The following CARNMT1 variants were observed in gnomAD, a reference collection of about 807,000 sequenced individuals.
CARNMT1 encodes the protein carnosine N-methyltransferase 1, also known as protein-L-histidine N-pros-methyltransferase CARNMT1.
In CARNMT1, 28 loss-of-function variants were observed where a neutral mutation model predicts 49.6. That is an observed-to-expected ratio of 0.56 (90% CI 0.42 to 0.77). The LOEUF (loss-of-function observed/expected upper bound fraction) is 0.77. Ranked by LOEUF, CARNMT1 falls within the 30% of genes least tolerant of loss-of-function variation. The pLI is 0.00. For synonymous variants in CARNMT1, 178 were observed against 175.0 expected (o/e 1.02, Z -0.13); for missense variants, 421 against 512.6 (o/e 0.82, Z 1.73).
intron 3 of CARNMT1, among the ~76,000 whole-genome samples, chr9:75,002,444 T>C (rs1025612731): frequency 2.0e-5 from 3 of 152,198 alleles, no homozygotes; most frequent in Non-Finnish European, 4.4e-5. Flanking sequence ...ATGTGGCTAC[T>C]GAACACTTAA....
intron 1 of CARNMT1, among the ~76,000 whole-genome samples, chr9:75,022,213 CTTTTTTTTTT>C (rs35783706): frequency 1.4e-4 from 11 of 77,008 alleles, no homozygotes; most frequent in South Asian, 1.0e-3. Context: ...AGAAGGAATA[CTTTTTTTTTT>C]TTTTTTTTTT....
chr9:75,007,595 G>A (rs1407627649), intron 3 of CARNMT1, among the ~76,000 whole-genome samples: 1 of 151,876 alleles, frequency 6.6e-6, no homozygotes, highest in Non-Finnish European at 1.5e-5. Context: ...CAGGTGTGGT[G>A]TTGGGCGCCT....
At chr9:74,994,095 A>G (rs1833116212) in intron 6 of CARNMT1, among the ~76,000 whole-genome samples, 1 of 152,132 alleles carries the variant, frequency 6.6e-6, no homozygotes, top group Non-Finnish European at 1.5e-5. Context: ...ATAAGAAGAG[A>G]CACACCAAAG....
At chr9:75,023,135 C>CAAAAAAA (rs1028060302) in intron 1 of CARNMT1, among the ~76,000 whole-genome samples, 2 of 65,402 alleles carry the variant, frequency 3.1e-5, no homozygotes, top group Non-Finnish European at 6.2e-5. Context: ...GAGCAAGACT[C>CAAAAAAA]AAAAAAAAAA....
Position 75,028,199 on chromosome 9 carries a change from G to A in CARNMT1, c.43C>T (p.Pro15Ser). The change falls in exon 1 of 8, where the codon CCC (proline) becomes TCC (serine). Residue 15 changes from proline to serine, a missense_variant. By Grantham distance (74) the Pro-to-Ser change is moderately conservative (BLOSUM62 -1). Transcript: ENST00000376834. ...CCGCCTCCTCCCCCGCAGCCCTCGG[G>A]CAGCCGGGAGGTGGGCGGCGGAGGG... The part of the protein sequence containing the change: ...RRPPPPTSRL[P>S]EGCGGGGGGS... 1 of 1,484,576 alleles carries A rather than the reference G, an allele frequency of 6.7e-7. No individual in the cohort carries two copies. The allele number at this position is 1,484,576 out of a possible 1,614,324, so 92.0% of individuals were successfully genotyped here. A position where few individuals can be genotyped will look rare whatever the true frequency, so the allele number is the denominator to read the frequency against.
At chr9:74,984,845 T>C in intron 7 of CARNMT1, 62 bp downstream of exon 7, 1 of 1,051,192 alleles carries the variant, frequency 9.5e-7, no homozygotes, top group Admixed American at 1.7e-5. Context: ...AGCCATGATA[T>C]CAACACTTCT....
chr9:75,004,457 T>C (rs1202447864), intron 3 of CARNMT1, among the ~76,000 whole-genome samples: 1 of 152,228 alleles, frequency 6.6e-6, no homozygotes, highest in Non-Finnish European at 1.5e-5. Context: ...TGTGTTATTC[T>C]TCTAGATCTG....
intron 1 of CARNMT1, among the ~76,000 whole-genome samples, chr9:75,022,872 C>A: frequency 6.6e-6 from 1 of 152,156 alleles, no homozygotes. Flanking sequence ...TGGTGGCTCA[C>A]GCCTGTAATC....
intron 1 of CARNMT1, among the ~76,000 whole-genome samples, chr9:75,026,048 A>G (rs2118885094): frequency 6.6e-6 from 1 of 152,316 alleles, no homozygotes; most frequent in East Asian, 1.9e-4. Flanking sequence ...CTGTACCCCT[A>G]GGCTTTAAGT....
intron 6 of CARNMT1, among the ~76,000 whole-genome samples, chr9:74,994,659 G>A (rs528440564): frequency 6.6e-6 from 1 of 152,076 alleles, no homozygotes; most frequent in South Asian, 2.1e-4. Context: ...CATAAAAAAT[G>A]AAAAACACAG....
At position 74,984,977 on chromosome 9, in the gene CARNMT1, T is replaced by C. The variant is rs376189536; in HGVS notation, c.1058A>G (p.Asn353Ser). 14 of 1,613,732 alleles carry C rather than the reference T, an allele frequency of 8.7e-6. No homozygotes were observed. The highest frequency in any genetic ancestry group is 1.2e-5 in the Non-Finnish European group (14 of 1,179,854). ...PLLYHFENLA[N>S]ELSIELSYED... is the part of the protein sequence containing the mutation. The stretch of plus-strand genomic sequence containing the variant: ...ATAGCTCAATTCTATGGAAAGTTCA[T>C]TTGCCAGATTTTCAAAGTGGTACAG... Residue 353 changes from asparagine (N) to serine (S), a missense_variant, in exon 7 of 8, where the codon AAT (asparagine) becomes AGT (serine). By Grantham distance (46) the Asn-to-Ser change is conservative. Transcript: ENST00000376834.
rs1833298973 is a variant in CARNMT1 at position 74,999,718 on chromosome 9, T to C, written c.731+12A>G. On this transcript the variant is annotated intron_variant, in intron 4 of 7. Coordinates refer to ENST00000376834, the MANE Select transcript of CARNMT1 (RefSeq NM_152420.3). ...AGAAATTACTATTTCCAGCAAAAAA[T>C]AAATTAAATACCTGTTGAGTACAAA... The C allele has an allele frequency of 2.5e-6, 4 of 1,586,742 alleles. No homozygotes were observed. The highest frequency in any genetic ancestry group is 3.4e-6 in the Non-Finnish European group (4 of 1,171,596).
intron 3 of CARNMT1, among the ~76,000 whole-genome samples, chr9:75,008,372 C>T (rs1833583637): frequency 6.6e-6 from 1 of 152,164 alleles, no homozygotes. Context: ...CACTCTATTG[C>T]CCAGGCTGGA....
chr9:75,011,361 C>T (rs1327871150), intron 3 of CARNMT1, among the ~76,000 whole-genome samples: 1 of 152,120 alleles, frequency 6.6e-6, no homozygotes, highest in Non-Finnish European at 1.5e-5. Flanking sequence ...GATGTCCCTC[C>T]TGTGATTGTC....
intron 1 of CARNMT1, among the ~76,000 whole-genome samples, chr9:75,020,140 T>C (rs1479868298): frequency 6.6e-6 from 1 of 152,160 alleles, no homozygotes; most frequent in African/African-American, 2.4e-5. Flanking sequence ...GATTTATAAG[T>C]GTTCACTGTA....
At chr9:75,017,123 T>C (rs1272605779) in intron 2 of CARNMT1, 130 bp downstream of exon 2, 8 of 674,336 alleles carry the variant, frequency 1.2e-5, no homozygotes, top group Non-Finnish European at 2.0e-5. Flanking sequence ...ACTGAACATT[T>C]AAGTTAAAAC....
chr9:75,027,404 A>G, intron 1 of CARNMT1: 1 of 985,166 alleles, frequency 1.0e-6, no homozygotes, highest in Non-Finnish European at 1.2e-6. Context: ...ATTTTAGAAT[A>G]TCCGGACCAC....
chr9:75,006,969 T>C (rs1439224666), intron 3 of CARNMT1, among the ~76,000 whole-genome samples: 1 of 152,190 alleles, frequency 6.6e-6, no homozygotes, highest in Non-Finnish European at 1.5e-5. Context: ...CTATAATCAC[T>C]GAGTATAAAC....
intron 6 of CARNMT1, among the ~76,000 whole-genome samples, 188 bp from the exon 7 acceptor site, chr9:74,985,198 A>C (rs1176535126): frequency 6.6e-6 from 1 of 152,230 alleles, no homozygotes; most frequent in Non-Finnish European, 1.5e-5. Context: ...TACACTCATG[A>C]GGAGTGAGTC....
Sources: allele counts gnomAD v4.1 joint callset (sites outside exome capture counted in the v4.1 genomes callset), GRCh38; gene constraint gnomAD v4.1.1; transcripts MANE v1.5; gene names NCBI Gene and HGNC (gene_info 2026-07-23, HGNC 2026-07-21).